TRPC7: variants seen among roughly 807,000 people sequenced by gnomAD.
TRPC7 encodes the protein transient receptor potential cation channel subfamily C member 7.
A neutral mutation model predicts 90.1 loss-of-function variants in TRPC7; 42 were observed. That is an observed-to-expected ratio of 0.47 (90% CI 0.36 to 0.60). The LOEUF (loss-of-function observed/expected upper bound fraction) is 0.60. TRPC7 is among the 20% of genes least tolerant of loss of function. The pLI is 0.00. For synonymous variants in TRPC7, 451 were observed against 436.3 expected, an observed-to-expected ratio of 1.03 and a Z score of -0.42; for missense variants, 955 against 1,112.3, an observed-to-expected ratio of 0.86 and a Z score of 2.01.
intron 3 of TRPC7, among the ~76,000 whole-genome samples, chr5:136,312,478 A>G (rs1352886626): frequency 6.6e-6 from 1 of 152,114 alleles, no homozygotes; most frequent in Admixed American, 6.6e-5. Flanking sequence ...GTTCATTTGG[A>G]AGTTCACACA....
intron 3 of TRPC7, among the ~76,000 whole-genome samples, chr5:136,290,558 G>T (rs913650480): frequency 1.3e-5 from 2 of 152,084 alleles, no homozygotes; most frequent in African/African-American, 2.4e-5. Flanking sequence ...AAGACAAAAT[G>T]AATGAAATGA....
chr5:136,361,204 A>G (rs1368837780), intron 1 of TRPC7, among the ~76,000 whole-genome samples: 1 of 152,112 alleles, frequency 6.6e-6, no homozygotes, highest in Non-Finnish European at 1.5e-5. Flanking sequence ...TTATTTTAGT[A>G]TTTTTCTTAA....
chr5:136,225,175 G>C, intron 10 of TRPC7, 99 bp downstream of exon 10: 1 of 1,012,106 alleles, frequency 9.9e-7, no homozygotes, highest in South Asian at 1.5e-5. Flanking sequence ...AAGGAATGAA[G>C]CTGTGTTCTC....
intron 8 of TRPC7, 143 bp downstream of exon 8, chr5:136,231,210 CA>C (rs1755802802): frequency 5.3e-6 from 4 of 757,206 alleles, no homozygotes; most frequent in Middle Eastern, 2.9e-4. Context: ...TTTCTAGAAG[CA>C]ATCCAGGAAG....
At chr5:136,297,039 C>T (rs779776650) in intron 3 of TRPC7, among the ~76,000 whole-genome samples, 4 of 152,194 alleles carry the variant, frequency 2.6e-5, no homozygotes, top group Admixed American at 1.3e-4. Context: ...CGTGATCGCA[C>T]CTTTATAGGT....
intron 3 of TRPC7, among the ~76,000 whole-genome samples, chr5:136,301,559 C>T (rs945657461): frequency 7.2e-5 from 11 of 152,054 alleles, no homozygotes; most frequent in Admixed American, 7.2e-4. Context: ...ATCTCCCCCA[C>T]CCTTAAGAAG....
intron 2 of TRPC7, among the ~76,000 whole-genome samples, chr5:136,332,646 A>C (rs1329344973): frequency 1.3e-5 from 2 of 152,074 alleles, no homozygotes; most frequent in Non-Finnish European, 2.9e-5. Context: ...TTTATTGATG[A>C]ATGCTAAGTA....
intron 3 of TRPC7, among the ~76,000 whole-genome samples, chr5:136,301,405 A>G (rs1016857364): frequency 6.4e-5 from 9 of 140,142 alleles, no homozygotes. Context: ...CCAAGCCATC[A>G]CATCCCCTGT....
chr5:136,234,314 T>C (rs937364064), intron 7 of TRPC7, among the ~76,000 whole-genome samples: 2 of 152,030 alleles, frequency 1.3e-5, no homozygotes, highest in African/African-American at 2.4e-5. Flanking sequence ...TCTTTTCTTT[T>C]TTTTTTTTTC....
chr5:136,216,293 G>A lies in TRPC7; in HGVS notation c.2344-18C>T, dbSNP rs771863196. On this transcript the variant is annotated intron_variant, in intron 10 of 11. Coordinates refer to ENST00000513104, the MANE Select transcript of TRPC7 (RefSeq NM_020389.3). ...ATGATTTTCTGAAATGCCAAGCAAG[G>A]AAGGGATCAGACAGGGCTGGCCTAA... The A allele has an allele frequency of 1.7e-5, 27 of 1,602,384 alleles. No individual in the cohort carries two copies. The highest frequency in any genetic ancestry group is 2.2e-5 in the Non-Finnish European group (26 of 1,172,886).
chr5:136,216,456 T>C (rs1331538311), intron 10 of TRPC7, among the ~76,000 whole-genome samples, 181 bp from the exon 11 acceptor site: 2 of 152,172 alleles, frequency 1.3e-5, no homozygotes, highest in African/African-American at 2.4e-5. Context: ...CAGCCTCTGT[T>C]TCGCCTCCCC....
At chr5:136,261,067 G>A (rs909288760) in intron 5 of TRPC7, among the ~76,000 whole-genome samples, 3 of 152,080 alleles carry the variant, frequency 2.0e-5, no homozygotes, top group African/African-American at 4.8e-5. Flanking sequence ...CATCAGCAGG[G>A]GCCTGATGCT....
intron 3 of TRPC7, among the ~76,000 whole-genome samples, chr5:136,287,920 C>T (rs1017463511): frequency 6.6e-6 from 1 of 152,068 alleles, no homozygotes; most frequent in Non-Finnish European, 1.5e-5. Context: ...CCCAGAATAA[C>T]TGAGACCAAA....
chr5:136,290,831 C>T (rs1439389533), intron 3 of TRPC7, among the ~76,000 whole-genome samples: 2 of 152,122 alleles, frequency 1.3e-5, no homozygotes, highest in Non-Finnish European at 2.9e-5. Context: ...CTCCAAGAAA[C>T]ATAATTGTCA....
At chr5:136,284,586 C>T (rs956474584) in intron 3 of TRPC7, among the ~76,000 whole-genome samples, 131 of 152,302 alleles carry the variant, frequency 8.6e-4, no homozygotes, top group African/African-American at 3.0e-3. Context: ...AATGTCTTGG[C>T]TCTCATTGCC....
chr5:136,217,649 G>A (rs981391079), intron 10 of TRPC7, among the ~76,000 whole-genome samples: 1 of 152,256 alleles, frequency 6.6e-6, no homozygotes, highest in Admixed American at 6.5e-5. Context: ...TCCTACTAGC[G>A]GTTAAACTGC....
intron 1 of TRPC7, among the ~76,000 whole-genome samples, chr5:136,362,181 A>T (rs1270554210): frequency 6.6e-6 from 1 of 152,170 alleles, no homozygotes; most frequent in Non-Finnish European, 1.5e-5. Context: ...TACATAAATT[A>T]CTGTTTTAAA....
At chr5:136,342,435 C>G (rs147028150) in intron 2 of TRPC7, among the ~76,000 whole-genome samples, 10 of 152,256 alleles carry the variant, frequency 6.6e-5, no homozygotes, top group African/African-American at 1.2e-4. Context: ...CTTCACTGAC[C>G]CCTGAGAGTA....
Position 136,247,774 on chromosome 5 carries a change from G to T in TRPC7, c.1580-39C>A, listed in dbSNP as rs1412720534. 1 of 1,592,140 alleles carries T rather than the reference G, an allele frequency of 6.3e-7. No homozygotes were observed. Among genetic ancestry groups the T allele is most frequent in the South Asian group, 1.1e-5 (1 of 87,484 alleles). On this transcript the variant is annotated intron_variant, in intron 6 of 11. Coordinates refer to ENST00000513104, the MANE Select transcript of TRPC7 (RefSeq NM_020389.3). This position sits in a 1 kb window ranked among gnomAD's most constrained non-coding sequence, Gnocchi z 4.2. ...ATCTGGGTTACTCACGAGGCCACAG[G>T]ATCTATTCTAGAAGAGAAACCAGTT...
Sources: allele counts gnomAD v4.1 joint callset (sites outside exome capture counted in the v4.1 genomes callset), GRCh38; gene constraint gnomAD v4.1.1; non-coding constraint Gnocchi (gnomAD v3.1); transcripts MANE v1.5; gene names NCBI Gene and HGNC (gene_info 2026-07-23, HGNC 2026-07-21).